Variants in NRG3 observed in about 807,000 individuals in gnomAD.
The protein encoded by NRG3 is pro-neuregulin-3, membrane-bound isoform.
NRG3 carries 31 observed loss-of-function variants against 66.9 expected under a neutral mutation model. That is an observed-to-expected ratio of 0.46 (90% CI 0.35 to 0.63). NRG3 has a LOEUF of 0.63. NRG3 is among the 20% of genes least tolerant of loss of function. NRG3 has a pLI of 0.00. For missense variants in NRG3, 910 were observed against 878.9 expected, an observed-to-expected ratio of 1.04 and a Z score of -0.45; for synonymous variants, 393 against 359.4, an observed-to-expected ratio of 1.09 and a Z score of -1.06.
chr10:82,899,551 T>C (rs1844006668), intron 4 of NRG3, among the ~76,000 whole-genome samples: 1 of 152,220 alleles, frequency 6.6e-6, no homozygotes, highest in South Asian at 2.1e-4. Flanking sequence ...GTGCATTTCT[T>C]AGAATCAGTA....
At chr10:81,889,025 A>G (rs1359377282) in intron 1 of NRG3, among the ~76,000 whole-genome samples, 5 of 152,162 alleles carry the variant, frequency 3.3e-5, no homozygotes, top group Non-Finnish European at 5.9e-5. Flanking sequence ...GGCATGTTTT[A>G]AGGATGTTTA....
At chr10:82,557,821 G>C (rs773782924) in intron 2 of NRG3, among the ~76,000 whole-genome samples, 1 of 152,136 alleles carries the variant, frequency 6.6e-6, no homozygotes, top group African/African-American at 2.4e-5. Flanking sequence ...ATGAGGACAC[G>C]TAGACTCAGT....
chr10:82,301,275 A>T (rs1418379388), intron 1 of NRG3, among the ~76,000 whole-genome samples: 1 of 152,164 alleles, frequency 6.6e-6, no homozygotes, highest in Admixed American at 6.5e-5. Flanking sequence ...TGATCCAATG[A>T]TTATGCATTC....
intron 1 of NRG3, among the ~76,000 whole-genome samples, chr10:82,211,242 C>T (rs2075377575): frequency 6.6e-6 from 1 of 152,142 alleles, no homozygotes; most frequent in South Asian, 2.1e-4. Context: ...GGAAAAGTCG[C>T]TGACTGCCTC....
chr10:82,613,850 A>T (rs1451038964), intron 2 of NRG3, among the ~76,000 whole-genome samples: 2 of 83,498 alleles, frequency 2.4e-5, no homozygotes, highest in Non-Finnish European at 4.3e-5. Flanking sequence ...CCCCCACCCC[A>T]CAACAGTCCC....
intron 1 of NRG3, among the ~76,000 whole-genome samples, chr10:81,964,991 T>C (rs1056460537): frequency 6.6e-6 from 1 of 152,186 alleles, no homozygotes; most frequent in African/African-American, 2.4e-5. Context: ...CCCAAACATA[T>C]TAAAATGTAA....
intron 1 of NRG3, among the ~76,000 whole-genome samples, chr10:82,089,350 C>T (rs1174702605): frequency 6.6e-6 from 1 of 152,088 alleles, no homozygotes; most frequent in African/African-American, 2.4e-5. Context: ...TTCACTTGAG[C>T]GTTCTTATTG....
intron 2 of NRG3, among the ~76,000 whole-genome samples, chr10:82,554,012 T>C (rs1192929293): frequency 3.9e-5 from 6 of 152,156 alleles, no homozygotes; most frequent in African/African-American, 1.4e-4. Flanking sequence ...GGATTCAGGA[T>C]CATCTGTTAT....
chr10:81,877,891 G>A, intron 1 of NRG3: 1 of 1,534,030 alleles, frequency 6.5e-7, no homozygotes, highest in East Asian at 2.4e-5. Context: ...CATATTCAAT[G>A]GATTGAAAAT....
At chr10:82,924,654 C>T (rs1043741466) in intron 4 of NRG3, among the ~76,000 whole-genome samples, 1 of 151,486 alleles carries the variant, frequency 6.6e-6, no homozygotes, top group Middle Eastern at 3.2e-3. Flanking sequence ...AGACCAGTAG[C>T]ATTCAAAGCT....
chr10:82,247,844 C>T (rs762329336), intron 1 of NRG3, among the ~76,000 whole-genome samples: 4 of 152,144 alleles, frequency 2.6e-5, no homozygotes, highest in Admixed American at 6.6e-5. Context: ...ATAATCAAAA[C>T]GTGTTTTCTC....
intron 1 of NRG3, among the ~76,000 whole-genome samples, chr10:81,977,680 A>T (rs549108574): frequency 6.6e-6 from 1 of 152,324 alleles, no homozygotes; most frequent in South Asian, 2.1e-4. Context: ...TTTCTAAATG[A>T]AAACACTCTG....
chr10:82,358,633 A>C, intron 1 of NRG3, 106 bp from the exon 2 acceptor site: 1 of 1,497,514 alleles, frequency 6.7e-7, no homozygotes, highest in Non-Finnish European at 9.2e-7. Context: ...CCCAGAGGTC[A>C]GAGCCCATGA....
At chr10:82,665,964 C>T (rs1393079086) in intron 2 of NRG3, among the ~76,000 whole-genome samples, 3 of 152,104 alleles carry the variant, frequency 2.0e-5, no homozygotes, top group East Asian at 1.9e-4. Flanking sequence ...CAGGTTCAAG[C>T]GATTCTCCTG....
chr10:82,125,583 A>G (rs714255), intron 1 of NRG3, among the ~76,000 whole-genome samples: 78,397 of 151,792 alleles, frequency 0.52, 22,540 homozygotes, highest in Non-Finnish European at 0.66. Flanking sequence ...AAATACCATC[A>G]ATATGCTGGT....
At chr10:82,379,320 T>TG (rs1460903095) in intron 2 of NRG3, among the ~76,000 whole-genome samples, 3 of 151,998 alleles carry the variant, frequency 2.0e-5, no homozygotes, top group Non-Finnish European at 2.9e-5. Context: ...AGCCAACGCT[T>TG]GGGGGGAAAT....
At chr10:82,319,424 G>C (rs139284642) in intron 1 of NRG3, among the ~76,000 whole-genome samples, 4 of 152,166 alleles carry the variant, frequency 2.6e-5, no homozygotes, top group Admixed American at 2.0e-4. Context: ...CCTAAATTCC[G>C]CCGAAAGGCA....
At chr10:82,165,914 A>G (rs1489264741) in intron 1 of NRG3, among the ~76,000 whole-genome samples, 1 of 151,354 alleles carries the variant, frequency 6.6e-6, no homozygotes, top group East Asian at 1.9e-4. Flanking sequence ...TCATCTTCCC[A>G]TTTGTTTTCT....
chr10:82,767,813 T>A (rs2059572992), intron 3 of NRG3, among the ~76,000 whole-genome samples: 2 of 152,130 alleles, frequency 1.3e-5, no homozygotes, highest in African/African-American at 4.8e-5. Flanking sequence ...TTTTTGAATG[T>A]CTCTAAGGAT....
Sources: allele counts gnomAD v4.1 joint callset (sites outside exome capture counted in the v4.1 genomes callset), GRCh38; gene constraint gnomAD v4.1.1; transcripts MANE v1.5; gene names NCBI Gene and HGNC (gene_info 2026-07-23, HGNC 2026-07-21).